ADGRL2: variants seen among roughly 807,000 people sequenced by gnomAD.
ADGRL2 encodes the protein calcium-independent alpha-latrotoxin receptor 2.
A neutral mutation model predicts 157.4 loss-of-function variants in ADGRL2; 44 were observed. That is an observed-to-expected ratio of 0.28 (90% CI 0.22 to 0.36). The LOEUF (loss-of-function observed/expected upper bound fraction) is 0.36, where lower values mean the gene tolerates loss of function less well. Among genes scored for constraint, ADGRL2 ranks in the 10% least tolerant of loss-of-function variants. The pLI is 1.00. For synonymous variants in ADGRL2, 585 were observed against 624.7 expected (o/e 0.94, Z 0.95); for missense variants, 1,510 against 1,768.9 (o/e 0.85, Z 2.63).
intron 3 of ADGRL2, among the ~76,000 whole-genome samples, chr1:81,693,087 A>G (rs562696432): frequency 5.9e-5 from 9 of 152,284 alleles, no homozygotes; most frequent in African/African-American, 2.2e-4. Flanking sequence ...TTCTTTTACC[A>G]TAAAATGTTT....
At chr1:81,857,200 G>T (rs1309209508) in intron 2 of ADGRL2, among the ~76,000 whole-genome samples, 1 of 152,148 alleles carries the variant, frequency 6.6e-6, no homozygotes, top group Non-Finnish European at 1.5e-5. Context: ...TGATGAGATT[G>T]ATTCATTCCC....
At chr1:81,311,524 G>T (rs1013992469) in intron 1 of ADGRL2, among the ~76,000 whole-genome samples, 15 of 152,088 alleles carry the variant, frequency 9.9e-5, no homozygotes, top group African/African-American at 3.4e-4. Context: ...TCAGCACTAA[G>T]ACTAAAGCCT....
intron 3 of ADGRL2, among the ~76,000 whole-genome samples, chr1:81,917,675 C>T (rs558112590): frequency 6.6e-6 from 1 of 152,168 alleles, no homozygotes; most frequent in African/African-American, 2.4e-5. Context: ...ACTCACCTAT[C>T]TACATTACTC....
At chr1:81,583,926 T>A (rs1276712553) in intron 3 of ADGRL2, among the ~76,000 whole-genome samples, 1 of 152,182 alleles carries the variant, frequency 6.6e-6, no homozygotes, top group Admixed American at 6.6e-5. Flanking sequence ...TCCTGGGTAA[T>A]TTTGCAGAGC....
intron 1 of ADGRL2, among the ~76,000 whole-genome samples, chr1:81,315,152 T>C (rs1313886275): frequency 6.6e-6 from 1 of 152,174 alleles, no homozygotes; most frequent in Non-Finnish European, 1.5e-5. Flanking sequence ...GTGTCTGCTT[T>C]AAATTACGTA....
chr1:81,822,280 A>T (rs1380322063), intron 1 of ADGRL2, among the ~76,000 whole-genome samples: 3 of 151,906 alleles, frequency 2.0e-5, no homozygotes, highest in African/African-American at 7.2e-5. Flanking sequence ...GATATTGCTG[A>T]TGGAAACAAT....
At chr1:81,557,926 AC>A (rs1373538818) in intron 2 of ADGRL2, 1 of 152,162 alleles carries the variant, frequency 6.6e-6, no homozygotes, top group East Asian at 1.9e-4. Flanking sequence ...CTCCCTGATC[AC>A]CTTACATTGA....
chr1:81,489,972 C>G (rs984890154), intron 2 of ADGRL2, among the ~76,000 whole-genome samples: 2 of 151,706 alleles, frequency 1.3e-5, no homozygotes, highest in Non-Finnish European at 2.9e-5. Context: ...GAGAGTCTTC[C>G]AGGGTGAAAT....
chr1:81,475,113 A>G (rs889637026), intron 2 of ADGRL2, among the ~76,000 whole-genome samples: 1 of 152,148 alleles, frequency 6.6e-6, no homozygotes, highest in Non-Finnish European at 1.5e-5. Context: ...ATTGACATCA[A>G]TTGTTGCACC....
chr1:81,575,377 T>C (rs2080777764), intron 2 of ADGRL2, among the ~76,000 whole-genome samples: 2 of 152,174 alleles, frequency 1.3e-5, no homozygotes, highest in Non-Finnish European at 2.9e-5. Context: ...TAGTTTTTAC[T>C]ATTGTTTTGC....
chr1:81,780,227 A>G (rs2086757613), intron 2 of ADGRL2, among the ~76,000 whole-genome samples: 1 of 152,212 alleles, frequency 6.6e-6, no homozygotes, highest in South Asian at 2.1e-4. Context: ...TAATTAAAAT[A>G]AATTGGATTA....
intron 3 of ADGRL2, among the ~76,000 whole-genome samples, chr1:81,931,805 T>G (rs1034965725): frequency 6.6e-6 from 1 of 152,070 alleles, no homozygotes; most frequent in Non-Finnish European, 1.5e-5. Flanking sequence ...CTAATTTTTT[T>G]AAACTTTTTG....
At chr1:81,392,087 G>T (rs1240047902) in intron 1 of ADGRL2, among the ~76,000 whole-genome samples, 1 of 152,024 alleles carries the variant, frequency 6.6e-6, no homozygotes, top group Non-Finnish European at 1.5e-5. Context: ...TAATTCTATT[G>T]TCCATACTGT....
At chr1:81,948,439 A>G (rs1650645210) in intron 6 of ADGRL2, among the ~76,000 whole-genome samples, 1 of 152,166 alleles carries the variant, frequency 6.6e-6, no homozygotes, top group Non-Finnish European at 1.5e-5. Context: ...AATATGTGCT[A>G]GTTAGTACAG....
intron 1 of ADGRL2, among the ~76,000 whole-genome samples, chr1:81,748,362 G>A (rs1374088708): frequency 4.0e-5 from 6 of 151,052 alleles, no homozygotes; most frequent in Non-Finnish European, 7.4e-5. Flanking sequence ...CCAGCTACTC[G>A]GGAGGCTGAG....
intron 2 of ADGRL2, among the ~76,000 whole-genome samples, chr1:81,445,316 T>C (rs1013024642): frequency 6.6e-6 from 1 of 152,228 alleles, no homozygotes; most frequent in African/African-American, 2.4e-5. Context: ...TCGTTGTATG[T>C]TGCTTAAGAC....
At chr1:81,759,525 A>T (rs905743146) in intron 1 of ADGRL2, among the ~76,000 whole-genome samples, 1 of 152,186 alleles carries the variant, frequency 6.6e-6, no homozygotes. Context: ...AACATTTTAA[A>T]TCAGAATTCA....
intron 1 of ADGRL2, among the ~76,000 whole-genome samples, chr1:81,372,406 AAG>A (rs1205296827): frequency 6.6e-6 from 1 of 152,176 alleles, no homozygotes; most frequent in Non-Finnish European, 1.5e-5. Context: ...TGGCAAACAC[AAG>A]GGGGAAATAT....
At position 81,454,876 on chromosome 1, in the gene ADGRL2, G is replaced by T. The variant is rs566065832; in HGVS notation, c.-248+9787G>T. The stretch of plus-strand genomic sequence containing the variant: ...TTCCCATAATTTTAAAGCCTGTGCC[G>T]TTCTGTGGTTTGATCAATAGGTGAG... On this transcript the variant is annotated intron_variant, in intron 2 of 24. Coordinates refer to the ADGRL2 transcript ENST00000370721. Among the ~76,000 whole-genome samples the T allele has an allele frequency of 8.5e-5, 13 of 152,274 alleles. No individual in the cohort carries two copies. In the South Asian group the frequency reaches 2.7e-3, roughly 32 times the overall value.
Sources: allele counts gnomAD v4.1 joint callset (sites outside exome capture counted in the v4.1 genomes callset), GRCh38; gene constraint gnomAD v4.1.1; transcripts MANE v1.5; gene names NCBI Gene and HGNC (gene_info 2026-07-23, HGNC 2026-07-21).